The following FSTL4 variants were observed in gnomAD, a reference collection of about 807,000 sequenced individuals.
The protein encoded by FSTL4 is follistatin like 4.
In FSTL4, 28 loss-of-function variants were observed where a neutral mutation model predicts 78.2. The observed-to-expected ratio is 0.36, with a 90% CI of 0.27 to 0.49. The LOEUF (loss-of-function observed/expected upper bound fraction) is 0.49. Among genes scored for constraint, FSTL4 ranks in the 20% least tolerant of loss-of-function variants. The probability of loss-of-function intolerance (pLI) is 0.98; values close to 1 mark genes in which losing one functional copy is unlikely to be tolerated. For synonymous variants in FSTL4, 422 were observed against 440.5 expected (o/e 0.96, Z 0.53); for missense variants, 922 against 1,084.9 (o/e 0.85, Z 2.11).
the FSTL4 span, among the ~76,000 whole-genome samples, chr5:133,736,107 C>T: frequency 6.6e-6 from 1 of 152,148 alleles, no homozygotes; most frequent in African/African-American, 2.4e-5. Context: ...CTGTGCAGGG[C>T]CTTGCAGACC....
At chr5:133,705,865 A>G in the FSTL4 span, among the ~76,000 whole-genome samples, 1 of 133,038 alleles carries the variant, frequency 7.5e-6, no homozygotes, top group Non-Finnish European at 1.6e-5. Context: ...GCGCACACAC[A>G]CACGCACACA....
chr5:133,481,147 T>C (rs1367140187), intron 3 of FSTL4, among the ~76,000 whole-genome samples: 1 of 152,234 alleles, frequency 6.6e-6, no homozygotes, highest in Non-Finnish European at 1.5e-5. Context: ...TGTGACTCCA[T>C]GAGCAGTGAG....
chr5:133,806,394 C>G, the FSTL4 span, among the ~76,000 whole-genome samples: 1 of 152,156 alleles, frequency 6.6e-6, no homozygotes, highest in African/African-American at 2.4e-5. Context: ...AGGTAAATTT[C>G]CATTCATTCT....
At chr5:133,257,078 G>A (rs1307969168) in intron 6 of FSTL4, among the ~76,000 whole-genome samples, 4 of 152,214 alleles carry the variant, frequency 2.6e-5, no homozygotes, top group Non-Finnish European at 5.9e-5. Context: ...CCACGCAGAA[G>A]GGACTTAATA....
chr5:133,678,544 G>A, the FSTL4 span, among the ~76,000 whole-genome samples: 1 of 149,358 alleles, frequency 6.7e-6, no homozygotes, highest in Admixed American at 6.8e-5. Context: ...CTGGGAGAGG[G>A]GCAGGTCTGT....
chr5:133,204,528 G>A lies in FSTL4; in HGVS notation c.1717-2486C>T, dbSNP rs1750430573. ...AAAATTCTGAGAAGTCAAGTTGCTG[G>A]ATCAAAAATTACTCTTTCACTGGCC... On this transcript the variant is annotated intron_variant, in intron 14 of 15. Transcript: ENST00000265342. Among the ~76,000 whole-genome samples the A allele has an allele frequency of 2.0e-5, 3 of 151,970 alleles. No homozygotes were observed. In the South Asian group the frequency reaches 6.2e-4, roughly 32 times the overall value.
Position 133,225,908 on chromosome 5 carries a change from G to T in FSTL4, c.1016-89C>A. 1 of 1,022,696 alleles carries T rather than the reference G, an allele frequency of 9.8e-7. No individual in the cohort carries two copies. The highest frequency in any genetic ancestry group is 2.2e-5 in the South Asian group (1 of 46,278). The allele number at this position is 1,022,696 out of a possible 1,614,324, so 63.4% of individuals were successfully genotyped here. On this transcript the variant is annotated intron_variant, in intron 8 of 15. Transcript: ENST00000265342. The surrounding 1 kb of genome is among the most constrained non-coding windows in gnomAD (Gnocchi z 4.6). ...CCAACCTGAGACCCTGCTCCAGAGGGGGTGAACCCAAGTAGGTGACTGGAG... is the reference window on the plus strand; with the variant it reads ...CCAACCTGAGACCCTGCTCCAGAGGTGGTGAACCCAAGTAGGTGACTGGAG...
chr5:133,517,479 C>CCACA (rs70974086), intron 3 of FSTL4, among the ~76,000 whole-genome samples: 22,705 of 54,430 alleles, frequency 0.42, 5,536 homozygotes, highest in Non-Finnish European at 0.49. Flanking sequence ...CACACACACA[C>CCACA]CACACACACA....
intron 4 of FSTL4, among the ~76,000 whole-genome samples, chr5:133,372,245 C>CTATGTATCTATGTATCTATGTATGTATG (rs757202475): frequency 3.1e-4 from 43 of 140,116 alleles, no homozygotes; most frequent in Admixed American, 1.2e-3. Flanking sequence ...ATCTATGTAT[C>CTATGTATCTATGTATCTATGTATGTATG]TATGTATGTA....
At chr5:133,261,215 G>A (rs1056714375) in intron 6 of FSTL4, among the ~76,000 whole-genome samples, 1 of 152,146 alleles carries the variant, frequency 6.6e-6, no homozygotes, top group Non-Finnish European at 1.5e-5. Flanking sequence ...TTAATTCCAT[G>A]GTTCCCGAAT....
At chr5:133,716,374 TTTATATAAGAATATATATATATATATTC>T in the FSTL4 span, among the ~76,000 whole-genome samples, 2 of 143,000 alleles carry the variant, frequency 1.4e-5, no homozygotes, top group Non-Finnish European at 3.0e-5. Context: ...TTTATATAAG[TTTATATAAGAATATATATATATATATTC>T]TTATATAAAC....
At chr5:133,591,686 G>T (rs1192498665) in intron 2 of FSTL4, among the ~76,000 whole-genome samples, 1 of 152,100 alleles carries the variant, frequency 6.6e-6, no homozygotes, top group Non-Finnish European at 1.5e-5. Context: ...GAACTCAAAT[G>T]AGACAGTCTG....
intron 6 of FSTL4, among the ~76,000 whole-genome samples, chr5:133,293,962 G>A (rs552826396): frequency 9.9e-5 from 15 of 152,086 alleles, no homozygotes; most frequent in Non-Finnish European, 1.9e-4. Context: ...GGCACGGGAC[G>A]AGTTGGCCAT....
chr5:133,530,459 G>A (rs1161364493), intron 3 of FSTL4, among the ~76,000 whole-genome samples: 2 of 152,212 alleles, frequency 1.3e-5, no homozygotes, highest in Non-Finnish European at 2.9e-5. Flanking sequence ...CCTCAGTCAC[G>A]TGACATGCAT....
chr5:133,291,806 G>A (rs967559387), intron 6 of FSTL4, among the ~76,000 whole-genome samples: 1 of 152,134 alleles, frequency 6.6e-6, no homozygotes, highest in Non-Finnish European at 1.5e-5. Context: ...AGGGAAGCCA[G>A]GGGTCAGGAT....
rs1015484730 is a variant in FSTL4 at position 133,611,263 on chromosome 5, C to T, written c.-11+1062G>A. Among the ~76,000 whole-genome samples, 19 of 152,138 alleles carry T rather than the reference C, an allele frequency of 1.2e-4. No homozygotes were observed. The highest frequency in any genetic ancestry group is 2.5e-4 in the Non-Finnish European group (17 of 68,020). On this transcript the variant is annotated intron_variant, in intron 1 of 15. Coordinates refer to ENST00000265342, the MANE Select transcript of FSTL4 (RefSeq NM_015082.2). This position sits in a 1 kb window ranked among gnomAD's most constrained non-coding sequence, Gnocchi z 4.9. The stretch of plus-strand genomic sequence containing the variant: ...CGCACTCCTAGTGCACTTGCCGCGC[C>T]GCGCGGAGGCTCGCCGCGCTCTGGA...
intron 3 of FSTL4, among the ~76,000 whole-genome samples, chr5:133,501,186 G>A (rs375686484): frequency 7.2e-4 from 109 of 152,124 alleles, no homozygotes; most frequent in Middle Eastern, 3.4e-3. Flanking sequence ...TACAGCAGAC[G>A]GCTGGGGAAA....
At chr5:133,365,820 C>T (rs1473571622) in intron 4 of FSTL4, among the ~76,000 whole-genome samples, 1 of 152,228 alleles carries the variant, frequency 6.6e-6, no homozygotes, top group African/African-American at 2.4e-5. Flanking sequence ...AATCAGAACA[C>T]CGAATGCTGA....
chr5:133,273,493 C>T (rs1752812638), intron 6 of FSTL4, among the ~76,000 whole-genome samples: 1 of 152,158 alleles, frequency 6.6e-6, no homozygotes, highest in African/African-American at 2.4e-5. Flanking sequence ...GCCTGTGGCT[C>T]CTCTTAATGG....
Sources: allele counts gnomAD v4.1 joint callset (sites outside exome capture counted in the v4.1 genomes callset), GRCh38; gene constraint gnomAD v4.1.1; non-coding constraint Gnocchi (gnomAD v3.1); transcripts MANE v1.5; gene names NCBI Gene and HGNC (gene_info 2026-07-23, HGNC 2026-07-21).